OCIAD1: variants seen among roughly 807,000 people sequenced by gnomAD.
The protein encoded by OCIAD1 is OCIA domain-containing protein 1.
A neutral mutation model predicts 38.9 loss-of-function variants in OCIAD1; 29 were observed. That is an observed-to-expected ratio of 0.74 (90% CI 0.55 to 1.02). OCIAD1 has a LOEUF of 1.02. OCIAD1 is among the 50% of genes least tolerant of loss of function. The pLI, the probability that OCIAD1 is intolerant of heterozygous loss-of-function variation, is 0.00. For synonymous variants in OCIAD1, 110 were observed against 92.0 expected, an observed-to-expected ratio of 1.20 and a Z score of -1.12; for missense variants, 288 against 289.6, an observed-to-expected ratio of 0.99 and a Z score of 0.04.
At chr4:48,854,615 C>T (rs1779840301) in intron 7 of OCIAD1, among the ~76,000 whole-genome samples, 1 of 152,210 alleles carries the variant, frequency 6.6e-6, no homozygotes, top group Non-Finnish European at 1.5e-5. Flanking sequence ...TATCTACCCA[C>T]AGACTACTTA....
intron 8 of OCIAD1, among the ~76,000 whole-genome samples, chr4:48,858,171 AAAAG>A (rs1376667143): frequency 2.0e-5 from 3 of 152,050 alleles, no homozygotes; most frequent in Non-Finnish European, 4.4e-5. Context: ...CCCCGCCAAA[AAAAG>A]GAAGAAAATA....
At chr4:48,858,158 TC>T (rs539752727) in intron 8 of OCIAD1, among the ~76,000 whole-genome samples, 1 of 149,964 alleles carries the variant, frequency 6.7e-6, no homozygotes, top group East Asian at 2.0e-4. Context: ...TGTTCCCCCC[TC>T]CCCCCGCCAA....
At chr4:48,854,563 G>T (rs2109608835) in intron 7 of OCIAD1, among the ~76,000 whole-genome samples, 1 of 152,194 alleles carries the variant, frequency 6.6e-6, no homozygotes, top group East Asian at 1.9e-4. Context: ...CTGTTATATA[G>T]TTTTTTTCCA....
At chr4:48,835,632 G>A (rs930299243) in intron 3 of OCIAD1, among the ~76,000 whole-genome samples, 11 of 151,950 alleles carry the variant, frequency 7.2e-5, no homozygotes, top group Non-Finnish European at 1.5e-4. Context: ...ACTAGGTTTT[G>A]CCATGTTGCC....
intron 8 of OCIAD1, among the ~76,000 whole-genome samples, chr4:48,858,134 A>ACGGAG (rs112444424): frequency 1.1e-4 from 17 of 152,224 alleles, no homozygotes; most frequent in Admixed American, 3.9e-4. Flanking sequence ...AGCCTGGATG[A>ACGGAG]CGGAGCGAGG....
chr4:48,816,894 T>C (rs1278945516), intron 1 of OCIAD1, among the ~76,000 whole-genome samples: 1 of 152,102 alleles, frequency 6.6e-6, no homozygotes, highest in Non-Finnish European at 1.5e-5. Flanking sequence ...CGCTTGAATC[T>C]GGGAGGTGGA....
intron 1 of OCIAD1, among the ~76,000 whole-genome samples, chr4:48,813,241 C>T (rs560284161): frequency 7.2e-5 from 11 of 152,174 alleles, no homozygotes; most frequent in South Asian, 6.2e-4. Flanking sequence ...GTCTGGTATA[C>T]GTGATACTGT....
In OCIAD1 at chr4:48,846,594, A is replaced by G. The variant is rs1203853636; in HGVS notation, c.194-1805A>G. On this transcript the variant is annotated intron_variant, in intron 4 of 8. Transcript: ENST00000264312. ...AAACCCTGTCTCTACTAAAAATACA[A>G]AAAATTAACTGGGCATGGTGGTGTG... 2.0e-5 allele frequency among the ~76,000 whole-genome samples: 3 copies of G among 152,184 alleles called. No individual in the cohort carries two copies. The East Asian group carries it at 5.8e-4, about 29-fold the overall frequency.
intron 1 of OCIAD1, among the ~76,000 whole-genome samples, chr4:48,814,960 A>G (rs1777130289): frequency 6.6e-6 from 1 of 152,192 alleles, no homozygotes; most frequent in Admixed American, 6.5e-5. Flanking sequence ...GCCTCAAAAT[A>G]ATAGTCTATA....
upstream of OCIAD1, among the ~76,000 whole-genome samples, chr4:48,830,185 C>A (rs1201432802): frequency 3.3e-5 from 5 of 152,152 alleles, no homozygotes; most frequent in African/African-American, 1.2e-4. Flanking sequence ...GCCTTATATT[C>A]GGTGCATGAC....
intron 4 of OCIAD1, among the ~76,000 whole-genome samples, chr4:48,847,154 T>C (rs1380736861): frequency 6.6e-6 from 1 of 152,244 alleles, no homozygotes; most frequent in African/African-American, 2.4e-5. Context: ...AACACTAATA[T>C]TGATTGCATT....
chr4:48,854,391 C>G (rs1332521821), intron 7 of OCIAD1, among the ~76,000 whole-genome samples: 1 of 152,146 alleles, frequency 6.6e-6, no homozygotes, highest in East Asian at 1.9e-4. Flanking sequence ...CTGTTTATTT[C>G]TGGAATGTTC....
intron 6 of OCIAD1, among the ~76,000 whole-genome samples, chr4:48,851,463 G>A (rs1396076069): frequency 6.6e-6 from 1 of 152,170 alleles, no homozygotes; most frequent in Non-Finnish European, 1.5e-5. Flanking sequence ...TGAGGCAGGA[G>A]GGTTGCTTGA....
At chr4:48,818,673 C>G (rs939104548) in intron 1 of OCIAD1, among the ~76,000 whole-genome samples, 14 of 152,058 alleles carry the variant, frequency 9.2e-5, no homozygotes, top group Admixed American at 5.9e-4. Flanking sequence ...AGCTAAGAAC[C>G]TTGATAAAGG....
chr4:48,849,572 A>G (rs1377263201), intron 5 of OCIAD1, among the ~76,000 whole-genome samples: 4 of 152,190 alleles, frequency 2.6e-5, no homozygotes, highest in Non-Finnish European at 4.4e-5. Context: ...CTTGTGATCT[A>G]GTTCTGTTTA....
At chr4:48,817,945 A>C (rs1355672109) in intron 1 of OCIAD1, among the ~76,000 whole-genome samples, 1 of 152,172 alleles carries the variant, frequency 6.6e-6, no homozygotes, top group Non-Finnish European at 1.5e-5. Flanking sequence ...CCTGGGATAG[A>C]GCACCTGGGG....
At chr4:48,813,429 G>C (rs1405026634) in intron 1 of OCIAD1, among the ~76,000 whole-genome samples, 1 of 152,346 alleles carries the variant, frequency 6.6e-6, no homozygotes, top group East Asian at 1.9e-4. Context: ...GGAGGTGAGT[G>C]GATCGCCTGA....
At chr4:48,838,560 G>A (rs1317612236) in intron 3 of OCIAD1, among the ~76,000 whole-genome samples, 1 of 152,156 alleles carries the variant, frequency 6.6e-6, no homozygotes, top group African/African-American at 2.4e-5. Context: ...ATTATCAGAA[G>A]GATGATAATC....
chr4:48,838,855 C>T (rs904984507), intron 3 of OCIAD1, among the ~76,000 whole-genome samples: 1 of 152,108 alleles, frequency 6.6e-6, no homozygotes, highest in African/African-American at 2.4e-5. Flanking sequence ...TCTATACTGA[C>T]CTACATTCCA....
Sources: allele counts gnomAD v4.1 joint callset (sites outside exome capture counted in the v4.1 genomes callset), GRCh38; gene constraint gnomAD v4.1.1; transcripts MANE v1.5; gene names NCBI Gene and HGNC (gene_info 2026-07-23, HGNC 2026-07-21).